DNAJC4: variants seen among roughly 807,000 people sequenced by gnomAD.
DNAJC4 encodes dnaJ homolog subfamily C member 4.
Under a neutral mutation model 26.8 loss-of-function variants are expected in DNAJC4, and 26 were observed. The ratio of observed to expected loss-of-function variants is 0.97; its 90% CI spans 0.71 to 1.34. The LOEUF is 1.34. Among genes scored for constraint, DNAJC4 ranks in the 40% most tolerant of loss-of-function variants. The pLI, the probability that DNAJC4 is intolerant of heterozygous loss-of-function variation, is 0.00. For missense variants in DNAJC4, 342 were observed against 321.1 expected (o/e 1.07, Z -0.50); for synonymous variants, 134 against 127.8 (o/e 1.05, Z -0.33).
At chr11:64,233,118 G>C in intron 4 of DNAJC4, 2 of 392,848 alleles carry the variant, frequency 5.1e-6, no homozygotes, top group Non-Finnish European at 8.8e-6. Context: ...GGAAGGGATT[G>C]AGCCAAACAA....
Position 64,234,241 on chromosome 11 carries a change from G to A in DNAJC4, c.*57G>A. On this transcript the variant is annotated 3_prime_UTR_variant, in exon 6 of 6. Coordinates refer to ENST00000628077, the MANE Select transcript of DNAJC4 (RefSeq NM_005528.4). This position sits in a 1 kb window ranked among gnomAD's most constrained non-coding sequence, Gnocchi z 5.3. ...TCCCGCTTTGCTTCCTTCCCTGGACGGCCCGCTCCCCGAAACGCGCGCAAT... is the reference window on the plus strand; with the variant it reads ...TCCCGCTTTGCTTCCTTCCCTGGACAGCCCGCTCCCCGAAACGCGCGCAAT... 5.3e-6 allele frequency: 8 copies of A among 1,515,578 alleles called. No individual in the cohort carries two copies. The highest frequency in any genetic ancestry group is 1.4e-5 in the African/African-American group (1 of 72,276). The allele number at this position is 1,515,578 out of a possible 1,614,324, so 93.9% of individuals were successfully genotyped here. A position where few individuals can be genotyped will look rare whatever the true frequency, so the allele number is the denominator to read the frequency against.
rs761349513 is a variant in DNAJC4, at chr11:64,234,049, C to T, written c.615-24C>T. 1.2e-6 allele frequency: 2 copies of T among 1,613,750 alleles called. No homozygotes were observed. The highest frequency in any genetic ancestry group is 1.1e-5 in the South Asian group (1 of 91,086). ...CCACACTTCGGGATCCCTATCCCAA[C>T]CACCCAGGTGCCCTCTCCTCCAGGG... On this transcript the variant is annotated intron_variant, in intron 5 of 5. Coordinates refer to ENST00000628077, the MANE Select transcript of DNAJC4 (RefSeq NM_005528.4). This position sits in a 1 kb window ranked among gnomAD's most constrained non-coding sequence, Gnocchi z 5.3.
chr11:64,232,892 G>C (rs1947195549), intron 4 of DNAJC4, 27 bp downstream of exon 4: 1 of 1,543,146 alleles, frequency 6.5e-7, no homozygotes, highest in South Asian at 1.2e-5. Context: ...CCGGGGTGAT[G>C]GGCAGAGGGC....
rs753578913 is a variant in DNAJC4 at position 64,233,965 on chromosome 11, C to A, written c.599C>A (p.Ala200Asp). 1.1e-5 allele frequency: 18 copies of A among 1,613,994 alleles called. No individual in the cohort carries two copies. Among genetic ancestry groups the A allele is most frequent in the Admixed American group, 1.0e-4 (6 of 60,014 alleles). The part of the protein sequence containing the change: ...DRIITAFYNE[A>D]RARARANRGI... ...ATCATCACAGCCTTCTACAACGAAG[C>A]CCGGGCACGGGCCAGGTCTGTCCCT... is the stretch of plus-strand genomic sequence containing the variant. The change falls in exon 5 of 6, where the codon GCC (alanine) becomes GAC (aspartate). Residue 200 changes from alanine to aspartate, a missense_variant. Ala to Asp is a moderately radical substitution (Grantham distance 126). Coordinates refer to ENST00000628077, the MANE Select transcript of DNAJC4 (RefSeq NM_005528.4).
At chr11:64,233,639 C>A (rs1475864427) in intron 4 of DNAJC4, 7 of 568,504 alleles carry the variant, frequency 1.2e-5, no homozygotes, top group African/African-American at 1.1e-4. Flanking sequence ...CCTTTCTAGT[C>A]TTCTGGGAGG....
In DNAJC4 at chr11:64,234,236, T is replaced by G. The variant is rs1363499102; in HGVS notation, c.*52T>G. The G allele has an allele frequency of 1.3e-6, 2 of 1,519,158 alleles. No homozygotes were observed. Among genetic ancestry groups the G allele is most frequent in the Non-Finnish European group, 1.8e-6 (2 of 1,137,016 alleles). 94.1% of individuals were successfully genotyped at this position (1,519,158 alleles called of 1,614,324 possible). ...TGCGTTCCCGCTTTGCTTCCTTCCC[T>G]GGACGGCCCGCTCCCCGAAACGCGC... On this transcript the variant is annotated 3_prime_UTR_variant, in exon 6 of 6. Transcript: ENST00000628077. This position sits in a 1 kb window ranked among gnomAD's most constrained non-coding sequence, Gnocchi z 5.3.
Position 64,230,982 on chromosome 11 carries a change from TTC to T in DNAJC4, c.86+44_86+45del, listed in dbSNP as rs1947168030. The T allele has an allele frequency of 2.0e-6, 3 of 1,535,442 alleles. No individual in the cohort carries two copies. The African/African-American group carries it at 4.1e-5, about 21-fold the overall frequency. ...GGGCCGGCCCGGTTGTTCAATGGGTTTCTGTTTGCCCTACGTGCTGAGTTAGT... is the reference window on the plus strand; with the variant it reads ...GGGCCGGCCCGGTTGTTCAATGGGTTTGTTTGCCCTACGTGCTGAGTTAGT... On this transcript the variant is annotated intron_variant, in intron 1 of 5. Coordinates refer to ENST00000628077, the MANE Select transcript of DNAJC4 (RefSeq NM_005528.4).
chr11:64,230,879 C>T lies in DNAJC4; in HGVS notation c.25C>T (p.Leu9=). The T allele has an allele frequency of 6.3e-7, 1 of 1,597,430 alleles. No individual in the cohort carries two copies. Among genetic ancestry groups the T allele is most frequent in the Non-Finnish European group, 8.5e-7 (1 of 1,174,842 alleles). The part of the protein sequence containing the change: MPPLLPLR[L]CRLWPRNPPS... ...CATGCCGCCCTTACTGCCCCTGCGCCTGTGCCGGCTGTGGCCCCGCAACCC... is the reference window on the plus strand; with the variant it reads ...CATGCCGCCCTTACTGCCCCTGCGCTTGTGCCGGCTGTGGCCCCGCAACCC... The change falls in exon 1 of 6, where the codon CTG becomes TTG. Residue 9 remains leucine, a synonymous_variant. Transcript: ENST00000628077.
At position 64,234,240 on chromosome 11, in the gene DNAJC4, C is replaced by A; in HGVS notation, c.*56C>A. On this transcript the variant is annotated 3_prime_UTR_variant, in exon 6 of 6. Coordinates refer to ENST00000628077, the MANE Select transcript of DNAJC4 (RefSeq NM_005528.4). This position sits in a 1 kb window ranked among gnomAD's most constrained non-coding sequence, Gnocchi z 5.3. The stretch of plus-strand genomic sequence containing the variant: ...TTCCCGCTTTGCTTCCTTCCCTGGA[C>A]GGCCCGCTCCCCGAAACGCGCGCAA... 1 of 1,515,820 alleles carries A rather than the reference C, an allele frequency of 6.6e-7. No individual in the cohort carries two copies. Among genetic ancestry groups the A allele is most frequent in the Admixed American group, 2.0e-5 (1 of 48,886 alleles). The allele number at this position is 1,515,820 out of a possible 1,614,324, so 93.9% of individuals were successfully genotyped here.
In DNAJC4 at chr11:64,230,849, G is replaced by A. The variant is rs1591074026; in HGVS notation, c.-6G>A. 2 of 1,596,142 alleles carry A rather than the reference G, an allele frequency of 1.3e-6. No homozygotes were observed. Among genetic ancestry groups the A allele is most frequent in the Non-Finnish European group, 8.5e-7 (1 of 1,173,660 alleles). On this transcript the variant is annotated 5_prime_UTR_variant, in exon 1 of 6. Coordinates refer to ENST00000628077, the MANE Select transcript of DNAJC4 (RefSeq NM_005528.4). The stretch of plus-strand genomic sequence containing the variant: ...AGCCTCCTTTCCCAGCTGCCCGCCC[G>A]CCGCCATGCCGCCCTTACTGCCCCT...
intron 3 of DNAJC4, 44 bp downstream of exon 3, chr11:64,232,658 T>G: frequency 6.3e-7 from 1 of 1,579,474 alleles, no homozygotes; most frequent in South Asian, 1.1e-5. Context: ...CCAGGTCTCT[T>G]GGGTAGTCTC....
rs771814881 is a variant in DNAJC4, at chr11:64,232,868, G to A, written c.527+3G>A. On this transcript the variant is annotated splice_donor_region_variant and intron_variant, in intron 4 of 5. Transcript: ENST00000628077. ...GGCCTGCACTACATTGCCTTCAGGT[G>A]ATGCCTGTTCTCCCCGGGGTGATGG... is the stretch of plus-strand genomic sequence containing the variant. The A allele has an allele frequency of 1.3e-6, 2 of 1,579,044 alleles. No individual in the cohort carries two copies. The highest frequency in any genetic ancestry group is 1.7e-6 in the Non-Finnish European group (2 of 1,159,470).
rs1315191362 is a variant in DNAJC4 at position 64,233,885 on chromosome 11, C to T, written c.528-9C>T. ...TTGGATTCCCAGGGTTAATTGTGAC[C>T]CATTGCAGGAAGGTGAAGCAGATGC... is the stretch of plus-strand genomic sequence containing the variant. On this transcript the variant is annotated splice_polypyrimidine_tract_variant and intron_variant, in intron 4 of 5. Coordinates refer to ENST00000628077, the MANE Select transcript of DNAJC4 (RefSeq NM_005528.4). The T allele has an allele frequency of 6.2e-7, 1 of 1,612,008 alleles. No individual in the cohort carries two copies. The highest frequency in any genetic ancestry group is 1.1e-5 in the South Asian group (1 of 91,054).
In DNAJC4 at chr11:64,232,752, G is replaced by A. The variant is rs771742960; in HGVS notation, c.414G>A (p.Val138=). The A allele has an allele frequency of 1.2e-6, 2 of 1,612,722 alleles. No individual in the cohort carries two copies. The highest frequency in any genetic ancestry group is 1.7e-6 in the Non-Finnish European group (2 of 1,179,290). The stretch of plus-strand genomic sequence containing the variant: ...AGTACTGGTCCCAGTTTCACAGCGT[G>A]AGGCCACAGGGGCCCCAGTTGAGGC... ...NAQYWSQFHS[V]RPQGPQLRQQ... The change falls in exon 4 of 6, where the codon GTG becomes GTA. Residue 138 remains valine (V), a synonymous_variant. Coordinates refer to ENST00000628077, the MANE Select transcript of DNAJC4 (RefSeq NM_005528.4).
In DNAJC4 at chr11:64,233,957, C is replaced by T. The variant is rs1321458260; in HGVS notation, c.591C>T (p.Tyr197=). 1 of 1,614,146 alleles carries T rather than the reference C, an allele frequency of 6.2e-7. No homozygotes were observed. Among genetic ancestry groups the T allele is most frequent in the South Asian group, 1.1e-5 (1 of 91,086 alleles). Residue 197 remains tyrosine (Y), a synonymous_variant, in exon 5 of 6, where the codon TAC becomes TAT. Transcript: ENST00000628077. The part of the protein sequence containing the change: ...DEKDRIITAF[Y]NEARARARAN... ...AGGATCGGATCATCACAGCCTTCTA[C>T]AACGAAGCCCGGGCACGGGCCAGGT...
At chr11:64,231,201 C>T (rs1947171055) in intron 1 of DNAJC4, 2 of 643,508 alleles carry the variant, frequency 3.1e-6, no homozygotes, top group Admixed American at 4.2e-5. Context: ...ATCGCTGTAT[C>T]ACTGTGCATA....
Position 64,230,769 on chromosome 11 carries a change from C to A in DNAJC4, c.-86C>A. 6.6e-7 allele frequency: 1 copy of A among 1,517,132 alleles called. No individual in the cohort carries two copies. The highest frequency in any genetic ancestry group is 2.4e-5 in the East Asian group (1 of 41,072). The allele number at this position is 1,517,132 out of a possible 1,614,324, so 94.0% of individuals were successfully genotyped here. On this transcript the variant is annotated 5_prime_UTR_variant, in exon 1 of 6. Transcript: ENST00000628077. ...CAGAACAACGGGCCAGGCCCCTTCC[C>A]TCTGCCCCCGGGTGCTTGAAGTCTA...
In DNAJC4 at chr11:64,233,892, A is replaced by G. The variant is rs773535416; in HGVS notation, c.528-2A>G. 1.2e-6 allele frequency: 2 copies of G among 1,612,558 alleles called. No individual in the cohort carries two copies. The highest frequency in any genetic ancestry group is 4.5e-5 in the East Asian group (2 of 44,854). On this transcript the variant is annotated splice_acceptor_variant, in intron 4 of 5. Transcript: ENST00000628077. LOFTEE classifies it high-confidence loss of function. Reference sequence around the variant, plus strand: ...CCCAGGGTTAATTGTGACCCATTGCAGGAAGGTGAAGCAGATGCACCTTAA... The same window carrying G: ...CCCAGGGTTAATTGTGACCCATTGCGGGAAGGTGAAGCAGATGCACCTTAA...
intron 1 of DNAJC4, chr11:64,231,556 G>T: frequency 3.7e-6 from 1 of 267,466 alleles, no homozygotes; most frequent in Non-Finnish European, 7.3e-6. Context: ...AGTCAGGCTG[G>T]TCTTGAACTC....
Sources: allele counts gnomAD v4.1 joint callset, GRCh38; gene constraint gnomAD v4.1.1; non-coding constraint Gnocchi (gnomAD v3.1); transcripts MANE v1.5; gene names NCBI Gene and HGNC (gene_info 2026-07-23, HGNC 2026-07-21).